The following PLXNA4 variants were observed in gnomAD, a reference collection of about 807,000 sequenced individuals.
PLXNA4 encodes plexin A4, also known as plexin-A4.
PLXNA4 carries 44 observed loss-of-function variants against 191.8 expected under a neutral mutation model. That is an observed-to-expected ratio of 0.23 (90% CI 0.18 to 0.29). PLXNA4 has a LOEUF of 0.29. Ranked by LOEUF, PLXNA4 falls within the 10% of genes least tolerant of loss-of-function variation. The probability of loss-of-function intolerance (pLI) is 1.00; values close to 1 mark genes in which losing one functional copy is unlikely to be tolerated. For missense variants in PLXNA4, 1,800 were observed against 2,488.8 expected (o/e 0.72, Z 5.89); for synonymous variants, 1,082 against 1,009.5 (o/e 1.07, Z -1.36).
intron 3 of PLXNA4, among the ~76,000 whole-genome samples, chr7:132,301,690 A>G (rs1584963518): frequency 6.6e-6 from 1 of 152,134 alleles, no homozygotes; most frequent in Non-Finnish European, 1.5e-5. Flanking sequence ...AACAAGCATC[A>G]CCCCAGGGGT....
chr7:132,437,246 A>C (rs1795505708), intron 3 of PLXNA4, among the ~76,000 whole-genome samples: 1 of 152,228 alleles, frequency 6.6e-6, no homozygotes, highest in Non-Finnish European at 1.5e-5. Context: ...CAGAAGTGCA[A>C]TAGTCAGAAC....
intron 14 of PLXNA4, among the ~76,000 whole-genome samples, chr7:132,190,300 A>T (rs1562909975): frequency 6.6e-6 from 1 of 152,240 alleles, no homozygotes; most frequent in Non-Finnish European, 1.5e-5. Context: ...AGGAACAATC[A>T]CACAGCCAAG....
In PLXNA4 at chr7:132,346,407, G is replaced by T. The variant is rs188330987; in HGVS notation, c.1372-48185C>A. Among the ~76,000 whole-genome samples, 8 of 152,256 alleles carry T rather than the reference G, an allele frequency of 5.3e-5. No individual in the cohort carries two copies. In the East Asian group the frequency reaches 1.5e-3, roughly 29 times the overall value. The stretch of plus-strand genomic sequence containing the variant: ...TAAGTGACCTACTCAAGTCAGTAAT[G>T]GAGGAAGCAAAAATAAAACCCAGGT... On this transcript the variant is annotated intron_variant, in intron 3 of 31. Transcript: ENST00000321063.
chr7:132,615,216 G>C (rs184572222), intron 2 of PLXNA4, among the ~76,000 whole-genome samples: 3 of 152,144 alleles, frequency 2.0e-5, no homozygotes, highest in South Asian at 2.1e-4. Context: ...GGAGCGGGAG[G>C]GGGGTTCGGG....
intron 8 of PLXNA4, among the ~76,000 whole-genome samples, chr7:132,224,913 G>T (rs1375519587): frequency 6.6e-6 from 1 of 152,182 alleles, no homozygotes; most frequent in Admixed American, 6.5e-5. Flanking sequence ...CATGCATGGA[G>T]GGCAAAACAG....
At position 132,125,954 on chromosome 7, in the gene PLXNA4, TCCTA is replaced by T. The variant is rs1274623036; in HGVS notation, c.*4521_*4524del. On this transcript the variant is annotated 3_prime_UTR_variant, in exon 32 of 32. Coordinates refer to ENST00000321063, the MANE Select transcript of PLXNA4 (RefSeq NM_020911.2). The stretch of plus-strand genomic sequence containing the variant: ...TGGGCCTTGTGCCTGCAGAGCACCT[TCCTA>T]CCTATGTCTGTCTGTCTTTCCCTCA... The T allele has an allele frequency of 6.6e-6, 1 of 152,358 alleles. No individual in the cohort carries two copies. 9.4% of individuals were successfully genotyped at this position (152,358 alleles called of 1,614,324 possible). A position where few individuals can be genotyped will look rare whatever the true frequency, so the allele number is the denominator to read the frequency against.
rs1794714493 is a variant in PLXNA4 at position 132,124,382 on chromosome 7, A to T, written c.*6097T>A. The T allele has an allele frequency of 6.6e-6, 1 of 152,160 alleles. No individual in the cohort carries two copies. The highest frequency in any genetic ancestry group is 1.5e-5 in the Non-Finnish European group (1 of 68,046). 9.4% of individuals were successfully genotyped at this position (152,160 alleles called of 1,614,324 possible). A position where few individuals can be genotyped will look rare whatever the true frequency, so the allele number is the denominator to read the frequency against. Reference sequence around the variant, plus strand: ...GATTGCGGCTGACTTCTGTGCACGAAAGTGTTCCTTAGTCCTGTTTGGTGA... The same window carrying T: ...GATTGCGGCTGACTTCTGTGCACGATAGTGTTCCTTAGTCCTGTTTGGTGA... On this transcript the variant is annotated 3_prime_UTR_variant, in exon 32 of 32. Transcript: ENST00000321063.
intron 2 of PLXNA4, among the ~76,000 whole-genome samples, chr7:132,617,785 G>A (rs1803185148): frequency 6.6e-6 from 1 of 152,176 alleles, no homozygotes; most frequent in South Asian, 2.1e-4. Context: ...CCTGATATAT[G>A]ACCTAAAATG....
intron 4 of PLXNA4, among the ~76,000 whole-genome samples, chr7:132,285,483 G>T (rs987452253): frequency 6.6e-6 from 1 of 152,054 alleles, no homozygotes; most frequent in Non-Finnish European, 1.5e-5. Context: ...CAAAACCATC[G>T]CATACGTCTC....
intron 9 of PLXNA4, among the ~76,000 whole-genome samples, chr7:132,222,952 T>G (rs1798195688): frequency 6.6e-6 from 1 of 152,202 alleles, no homozygotes; most frequent in African/African-American, 2.4e-5. Context: ...CCCCCGGAGC[T>G]TCTCATTCAG....
chr7:132,363,221 G>A (rs1804018855), intron 3 of PLXNA4, among the ~76,000 whole-genome samples: 1 of 152,180 alleles, frequency 6.6e-6, no homozygotes, highest in African/African-American at 2.4e-5. Context: ...CTGACCTCAA[G>A]TGATCCACCC....
intron 3 of PLXNA4, among the ~76,000 whole-genome samples, chr7:132,448,407 T>C (rs568244691): frequency 1.3e-5 from 2 of 152,336 alleles, no homozygotes; most frequent in African/African-American, 2.4e-5. Flanking sequence ...ATTTACACCA[T>C]AGAAATTGGC....
chr7:132,548,070 C>T (rs1305824637), intron 1 of PLXNA4, among the ~76,000 whole-genome samples: 1 of 152,156 alleles, frequency 6.6e-6, no homozygotes, highest in African/African-American at 2.4e-5. Flanking sequence ...GGTGGCTTCA[C>T]TCCAGGGCTG....
At chr7:132,434,089 C>A (rs934530405) in intron 3 of PLXNA4, among the ~76,000 whole-genome samples, 3 of 152,354 alleles carry the variant, frequency 2.0e-5, no homozygotes, top group African/African-American at 7.2e-5. Context: ...CGCAGCCTTG[C>A]CTGACTCCAA....
At chr7:132,302,040 A>G (rs1281806185) in intron 3 of PLXNA4, among the ~76,000 whole-genome samples, 1 of 152,190 alleles carries the variant, frequency 6.6e-6, no homozygotes, top group East Asian at 1.9e-4. Flanking sequence ...GATTTTCCAG[A>G]AGCCTTTGAC....
intron 21 of PLXNA4, among the ~76,000 whole-genome samples, chr7:132,171,101 G>GACC (rs1467731185): frequency 6.6e-6 from 1 of 152,150 alleles, no homozygotes; most frequent in Admixed American, 6.5e-5. Context: ...CCAACTCTGT[G>GACC]ACCACCCCCA....
At chr7:132,402,969 T>C (rs1397325430) in intron 3 of PLXNA4, among the ~76,000 whole-genome samples, 2 of 152,242 alleles carry the variant, frequency 1.3e-5, no homozygotes, top group African/African-American at 4.8e-5. Context: ...ACCGCCACCA[T>C]GCAAATGCGT....
At chr7:132,368,759 C>T (rs1031662057) in intron 3 of PLXNA4, among the ~76,000 whole-genome samples, 2 of 152,194 alleles carry the variant, frequency 1.3e-5, no homozygotes, top group African/African-American at 2.4e-5. Context: ...CTGGGCCCCG[C>T]CCTGAAGGAA....
At chr7:132,194,938 T>C (rs1797207406) in intron 13 of PLXNA4, among the ~76,000 whole-genome samples, 1 of 151,830 alleles carries the variant, frequency 6.6e-6, no homozygotes, top group Non-Finnish European at 1.5e-5. Context: ...TAAATATATA[T>C]GTGTATATAT....
Sources: allele counts gnomAD v4.1 joint callset (sites outside exome capture counted in the v4.1 genomes callset), GRCh38; gene constraint gnomAD v4.1.1; transcripts MANE v1.5; gene names NCBI Gene and HGNC (gene_info 2026-07-23, HGNC 2026-07-21).